TCF4: variants seen among roughly 807,000 people sequenced by gnomAD.
TCF4 encodes the protein transcription factor 4.
In TCF4, 3 loss-of-function variants were observed where a neutral mutation model predicts 82.1. That is an observed-to-expected ratio of 0.04 (90% CI 0.02 to 0.09). The LOEUF (loss-of-function observed/expected upper bound fraction) is 0.09. TCF4 is among the 10% of genes least tolerant of loss of function. The pLI is 1.00. For synonymous variants in TCF4, 276 were observed against 309.6 expected (o/e 0.89, Z 1.14); for missense variants, 518 against 852.7 (o/e 0.61, Z 4.89).
chr18:55,316,612 G>C (rs1464453320), intron 8 of TCF4, among the ~76,000 whole-genome samples: 1 of 151,928 alleles, frequency 6.6e-6, no homozygotes, highest in Non-Finnish European at 1.5e-5. Flanking sequence ...CAATTTAGTA[G>C]AAACAAAACA....
chr18:55,268,198 C>T (rs866456174), intron 11 of TCF4: 1 of 152,026 alleles, frequency 6.6e-6, no homozygotes, highest in Non-Finnish European at 1.5e-5. Flanking sequence ...GGTTCTGCTC[C>T]ACCTTCATAC....
chr18:55,253,831 T>C (rs1291512292), intron 15 of TCF4, among the ~76,000 whole-genome samples: 1 of 152,002 alleles, frequency 6.6e-6, no homozygotes, highest in Non-Finnish European at 1.5e-5. Flanking sequence ...TATTATAATA[T>C]GAACTCAAAT....
At chr18:55,343,189 G>C (rs1481307101) in intron 8 of TCF4, among the ~76,000 whole-genome samples, 1 of 152,058 alleles carries the variant, frequency 6.6e-6, no homozygotes, top group African/African-American at 2.4e-5. Flanking sequence ...GAAAATATAA[G>C]TCTTTCTAAT....
At chr18:55,364,643 G>A (rs1048495960) in intron 6 of TCF4, among the ~76,000 whole-genome samples, 4 of 152,178 alleles carry the variant, frequency 2.6e-5, no homozygotes, top group Non-Finnish European at 5.9e-5. Flanking sequence ...GCAGGATAAA[G>A]ACTAAGGTGA....
At chr18:55,448,700 G>A (rs1196207911) in intron 5 of TCF4, among the ~76,000 whole-genome samples, 1 of 152,212 alleles carries the variant, frequency 6.6e-6, no homozygotes, top group Non-Finnish European at 1.5e-5. Flanking sequence ...TTACCGTGTA[G>A]TTACTACAGT....
intron 3 of TCF4, among the ~76,000 whole-genome samples, chr18:55,569,408 G>T (rs2097440035): frequency 6.6e-6 from 1 of 152,194 alleles, no homozygotes; most frequent in Non-Finnish European, 1.5e-5. Context: ...TGCCAGGTGT[G>T]GTGCCGGGCA....
intron 3 of TCF4, among the ~76,000 whole-genome samples, chr18:55,478,458 A>C (rs1298561618): frequency 2.6e-5 from 4 of 152,146 alleles, no homozygotes; most frequent in Admixed American, 6.5e-5. Context: ...CTTCTGCTTT[A>C]CTCAAGTTGA....
intron 6 of TCF4, among the ~76,000 whole-genome samples, chr18:55,376,754 G>C (rs2090856874): frequency 6.6e-6 from 1 of 152,148 alleles, no homozygotes. Context: ...ACACCTATTT[G>C]ATGGCTGTAG....
intron 14 of TCF4, among the ~76,000 whole-genome samples, 159 bp from the exon 15 acceptor site, chr18:55,254,859 C>A (rs1189163263): frequency 2.0e-5 from 3 of 152,128 alleles, no homozygotes; most frequent in Non-Finnish European, 2.9e-5. Context: ...AGTGTTGTTT[C>A]CAGAAAACTG....
At chr18:55,292,364 T>C (rs1349666309) in intron 8 of TCF4, among the ~76,000 whole-genome samples, 1 of 152,144 alleles carries the variant, frequency 6.6e-6, no homozygotes, top group African/African-American at 2.4e-5. Flanking sequence ...AAAATAGAAA[T>C]GTAAAACCCA....
rs2082209360 is a variant in TCF4 at position 55,351,035 on chromosome 18, A to AAGGTT, written c.370-37_370-33dup. 2.5e-6 allele frequency: 4 copies of AAGGTT among 1,612,406 alleles called. No individual in the cohort carries two copies. In the Admixed American group the frequency reaches 5.0e-5, roughly 20 times the overall value. ...GGTTAAAAAGGGAAAACAAACATAT[A>AAGGTT]AGGTTAATTTTTTACTTTCACCACC... On this transcript the variant is annotated intron_variant, in intron 6 of 19. Coordinates refer to ENST00000354452, the MANE Select transcript of TCF4 (RefSeq NM_001083962.2).
At chr18:55,355,947 A>C (rs1482655465) in intron 6 of TCF4, among the ~76,000 whole-genome samples, 1 of 152,172 alleles carries the variant, frequency 6.6e-6, no homozygotes, top group Non-Finnish European at 1.5e-5. Context: ...AGGTCAGACC[A>C]ATCTGGTTGA....
intron 8 of TCF4, among the ~76,000 whole-genome samples, chr18:55,290,703 A>G (rs2064859298): frequency 6.6e-6 from 1 of 152,172 alleles, no homozygotes; most frequent in African/African-American, 2.4e-5. Context: ...CCAAAAAGCC[A>G]TCATTCCTAA....
chr18:55,519,736 A>G (rs2096917638), intron 3 of TCF4, among the ~76,000 whole-genome samples: 3 of 152,194 alleles, frequency 2.0e-5, no homozygotes, highest in Admixed American at 1.3e-4. Flanking sequence ...CCTGCTTAGC[A>G]TATGTGTAAC....
At chr18:55,565,769 CA>C (rs550227672) in intron 3 of TCF4, among the ~76,000 whole-genome samples, 101 of 142,914 alleles carry the variant, frequency 7.1e-4, no homozygotes, top group African/African-American at 2.2e-3. Context: ...ACTATGAAGC[CA>C]AAAAAAAAAC....
At chr18:55,304,510 C>T (rs1471458988) in intron 8 of TCF4, among the ~76,000 whole-genome samples, 1 of 152,074 alleles carries the variant, frequency 6.6e-6, no homozygotes, top group Non-Finnish European at 1.5e-5. Flanking sequence ...AAAACAATAT[C>T]ATGCATTTCT....
intron 8 of TCF4, among the ~76,000 whole-genome samples, chr18:55,314,452 GATT>G (rs1253786161): frequency 6.6e-6 from 1 of 151,656 alleles, no homozygotes; most frequent in Non-Finnish European, 1.5e-5. Flanking sequence ...TAATACATTT[GATT>G]ATTTTAATCA....
At chr18:55,426,655 T>C (rs180751455) in intron 5 of TCF4, among the ~76,000 whole-genome samples, 135 of 152,318 alleles carry the variant, frequency 8.9e-4, no homozygotes, top group Non-Finnish European at 1.8e-3. Flanking sequence ...TTCAATATGG[T>C]GCTTGATTTT....
Position 55,228,237 on chromosome 18 carries a change from C to T in TCF4, c.2004G>A (p.Met668Ile). ...CAAACTTGCCCTTTTACATCTGTCC[C>T]ATGTGATTCGATGCGTCTCCCATTC... Reference protein sequence around the residue: ...HPGMGDASNHMGQM With the variant: ...HPGMGDASNHIGQM Residue 668 changes from methionine to isoleucine, a missense_variant, in exon 19 of 20, where the codon ATG (methionine) becomes ATA (isoleucine). By Grantham distance (10) the Met-to-Ile change is conservative (BLOSUM62 1). Transcript: ENST00000354452. 1.9e-6 allele frequency: 3 copies of T among 1,614,130 alleles called. No individual in the cohort carries two copies. The South Asian group carries it at 3.3e-5, about 18-fold the overall frequency.
Sources: gnomAD v4.1 joint callset for allele counts (sites outside exome capture counted in the v4.1 genomes callset) on GRCh38, gnomAD v4.1.1 for gene constraint, MANE v1.5 for transcripts, NCBI Gene and HGNC (gene_info 2026-07-23, HGNC 2026-07-21) for gene names.